CRHBP: variants seen among roughly 807,000 people sequenced by gnomAD.
CRHBP encodes the protein corticotropin-releasing hormone-binding protein.
In CRHBP, 19 loss-of-function variants were observed where a neutral mutation model predicts 34.9. The ratio of observed to expected loss-of-function variants is 0.55; its 90% confidence interval spans 0.38 to 0.80. The LOEUF is 0.80. Among genes scored for constraint, CRHBP ranks in the 30% least tolerant of loss-of-function variants. The probability of loss-of-function intolerance (pLI) is 0.00; values close to 1 mark genes in which losing one functional copy is unlikely to be tolerated. For synonymous variants in CRHBP, 154 were observed against 153.4 expected (o/e 1.00, Z -0.03); for missense variants, 328 against 409.2 (o/e 0.80, Z 1.71).
intron 3 of CRHBP, chr5:76,976,622 C>T (rs1177426975): frequency 6.6e-6 from 1 of 152,184 alleles, no homozygotes; most frequent in East Asian, 1.9e-4. Flanking sequence ...GGAGCACCTA[C>T]GTTTTAATGC....
chr5:76,965,514 G>T (rs1046093966), intron 6 of CRHBP, among the ~76,000 whole-genome samples: 5 of 152,152 alleles, frequency 3.3e-5, no homozygotes, highest in Non-Finnish European at 7.3e-5. Flanking sequence ...ATGATCTGAG[G>T]CACTAAAGTA....
At chr5:76,979,654 A>G (rs998080879) in intron 3 of CRHBP, among the ~76,000 whole-genome samples, 4 of 152,134 alleles carry the variant, frequency 2.6e-5, no homozygotes, top group African/African-American at 4.8e-5. Flanking sequence ...CAACCAATAC[A>G]GTATTTTAAA....
rs189701970 is a variant in CRHBP at position 76,953,399 on chromosome 5, T to C, written c.81+184T>C. The C allele has an allele frequency of 3.3e-5, 27 of 826,244 alleles. No homozygotes were observed. In the Admixed American group the frequency reaches 5.9e-4, roughly 18 times the overall value. The allele number at this position is 826,244 out of a possible 1,614,324, so 51.2% of individuals were successfully genotyped here. ...TTGCCTCTGAGCATCCCAGACTGCC[T>C]GCCTGCCTTCCTCTGGCCGCTGGGG... On this transcript the variant is annotated intron_variant, in intron 1 of 6. Coordinates refer to ENST00000274368, the MANE Select transcript of CRHBP (RefSeq NM_001882.4).
Position 76,953,582 on chromosome 5 carries a change from G to A in CRHBP, c.82-19G>A. 2 of 1,609,238 alleles carry A rather than the reference G, an allele frequency of 1.2e-6. No homozygotes were observed. The highest frequency in any genetic ancestry group is 2.2e-5 in the East Asian group (1 of 44,726). On this transcript the variant is annotated intron_variant, in intron 1 of 6. Transcript: ENST00000274368. ...CCCAGCCCTTGAACTTTTCCGGACT[G>A]ACCTATGTTTCTTGCCAGCTGAGGG...
At position 76,954,010 on chromosome 5, in the gene CRHBP, C is replaced by T. The variant is rs1399464449; in HGVS notation, c.176-19C>T. On this transcript the variant is annotated intron_variant, in intron 2 of 6. Transcript: ENST00000274368. ...CGGCTGCAGCCCGGGACTTATTGCC[C>T]CATGCCCTCCTCCCCCAGGGTGCCT... 6.2e-7 allele frequency: 1 copy of T among 1,604,754 alleles called. No individual in the cohort carries two copies. Among genetic ancestry groups the T allele is most frequent in the East Asian group, 2.2e-5 (1 of 44,764 alleles).
downstream of CRHBP, among the ~76,000 whole-genome samples, chr5:76,974,124 C>A (rs1332744252): frequency 6.6e-6 from 1 of 152,136 alleles, no homozygotes; most frequent in Non-Finnish European, 1.5e-5. Flanking sequence ...TCCCAAGTAG[C>A]TGGAATTACA....
chr5:76,953,058 C>T lies in CRHBP; in HGVS notation c.-77C>T, dbSNP rs1241529179. ...AGGGACCCTACCAGCTTCTAGCTCT[C>T]AGTCTGCGCGAGGGTGTAGGAAGGA... On this transcript the variant is annotated 5_prime_UTR_variant, in exon 1 of 7. Coordinates refer to ENST00000274368, the MANE Select transcript of CRHBP (RefSeq NM_001882.4). The T allele has an allele frequency of 6.9e-7, 1 of 1,450,666 alleles. No homozygotes were observed. 89.9% of individuals were successfully genotyped at this position (1,450,666 alleles called of 1,614,324 possible).
chr5:76,964,850 G>T (rs1561267038), intron 6 of CRHBP, among the ~76,000 whole-genome samples: 1 of 151,946 alleles, frequency 6.6e-6, no homozygotes, highest in Non-Finnish European at 1.5e-5. Flanking sequence ...AGCGAGACTA[G>T]ACAGAGTGAG....
At chr5:76,957,410 G>A (rs1003061088) in intron 4 of CRHBP, among the ~76,000 whole-genome samples, 7 of 152,056 alleles carry the variant, frequency 4.6e-5, no homozygotes, top group Admixed American at 2.0e-4. Context: ...TATTTGAGAC[G>A]GAGTGTTGCT....
At chr5:76,975,825 A>AAAATATATATATAT in intron 2 of CRHBP, among the ~76,000 whole-genome samples, 1 of 61,856 alleles carries the variant, frequency 1.6e-5, no homozygotes, top group Non-Finnish European at 2.7e-5. Context: ...AAAAAAAAAA[A>AAAATATATATATAT]ATATATATAT....
chr5:76,973,710 T>C (rs1745980236), downstream of CRHBP, among the ~76,000 whole-genome samples: 1 of 152,256 alleles, frequency 6.6e-6, no homozygotes, highest in Non-Finnish European at 1.5e-5. Flanking sequence ...ATCTGCTATG[T>C]AGTTTTTCAT....
chr5:76,954,217 G>T, intron 3 of CRHBP, 31 bp downstream of exon 3: 1 of 1,604,950 alleles, frequency 6.2e-7, no homozygotes, highest in Non-Finnish European at 8.5e-7. Flanking sequence ...CAACCTAGCC[G>T]GAGGGCGGCA....
chr5:76,967,346 T>G (rs1375599033), intron 6 of CRHBP, among the ~76,000 whole-genome samples: 1 of 152,240 alleles, frequency 6.6e-6, no homozygotes, highest in Non-Finnish European at 1.5e-5. Flanking sequence ...GGCTTTTATT[T>G]ATTATGTCAT....
intron 4 of CRHBP, among the ~76,000 whole-genome samples, chr5:76,957,631 G>A (rs181908943): frequency 0.023 from 3,567 of 152,082 alleles, 134 homozygotes; most frequent in African/African-American, 0.081. Flanking sequence ...TGATCCACCC[G>A]CCTCGGCCTC....
At chr5:76,964,459 G>C (rs564407760) in intron 6 of CRHBP, among the ~76,000 whole-genome samples, 61 of 152,332 alleles carry the variant, frequency 4.0e-4, no homozygotes, top group South Asian at 2.1e-3. Context: ...CTGACTCTGA[G>C]TTGATGATGG....
intron 5 of CRHBP, chr5:76,959,117 C>A: frequency 2.3e-6 from 1 of 439,236 alleles, no homozygotes; most frequent in Non-Finnish European, 4.0e-6. Context: ...TACTTGAATA[C>A]TTTCCCTGTG....
At chr5:76,960,742 G>A (rs1479000995) in intron 5 of CRHBP, among the ~76,000 whole-genome samples, 1 of 151,546 alleles carries the variant, frequency 6.6e-6, no homozygotes, top group Non-Finnish European at 1.5e-5. Flanking sequence ...TACAAGGAAT[G>A]TAAGTACTTT....
At chr5:76,960,132 G>GA in intron 5 of CRHBP, among the ~76,000 whole-genome samples, 1 of 152,226 alleles carries the variant, frequency 6.6e-6, no homozygotes, top group Non-Finnish European at 1.5e-5. Flanking sequence ...GTGCTATACA[G>GA]AAAATGCAGC....
At chr5:76,953,570 C>A in intron 1 of CRHBP, 31 bp from the exon 2 acceptor site, 1 of 1,602,100 alleles carries the variant, frequency 6.2e-7, no homozygotes, top group Non-Finnish European at 8.5e-7. Flanking sequence ...AGCCCTTGAA[C>A]TTTTCCGGAC....
Sources: gnomAD v4.1 joint callset for allele counts (sites outside exome capture counted in the v4.1 genomes callset) on GRCh38, gnomAD v4.1.1 for gene constraint, MANE v1.5 for transcripts, NCBI Gene and HGNC (gene_info 2026-07-23, HGNC 2026-07-21) for gene names.